The following IKBKE variants were observed in gnomAD, a reference collection of about 807,000 sequenced individuals.
IKBKE encodes the protein inhibitor of nuclear factor kappa B kinase subunit epsilon.
In IKBKE, 45 loss-of-function variants were observed where a neutral mutation model predicts 92.1. The ratio of observed to expected loss-of-function variants is 0.49; its 90% CI spans 0.38 to 0.63. The LOEUF (loss-of-function observed/expected upper bound fraction) is 0.63, where lower values mean the gene tolerates loss of function less well. IKBKE is among the 20% of genes least tolerant of loss of function. The probability of loss-of-function intolerance (pLI) is 0.00; values close to 1 mark genes in which losing one functional copy is unlikely to be tolerated. For synonymous variants in IKBKE, 374 were observed against 380.3 expected (o/e 0.98, Z 0.19); for missense variants, 700 against 932.8 (o/e 0.75, Z 3.25).
At position 206,472,467 on chromosome 1, in the gene IKBKE, G is replaced by C. The variant is rs373236992; in HGVS notation, c.-32-729G>C. Among the ~76,000 whole-genome samples the C allele has an allele frequency of 3.2e-4, 49 of 152,084 alleles. No homozygotes were observed. In the East Asian group the frequency reaches 9.1e-3, roughly 28 times the overall value. On this transcript the variant is annotated intron_variant, in intron 2 of 21. Coordinates refer to ENST00000581977, the MANE Select transcript of IKBKE (RefSeq NM_014002.4). ...GACAAAGATGGGAAACAGAGTTGTA[G>C]GGGGTTTCAGATTCTCCCAATGGCT...
chr1:206,484,067 G>A (rs1035320020), intron 13 of IKBKE, among the ~76,000 whole-genome samples: 2 of 150,646 alleles, frequency 1.3e-5, no homozygotes, highest in African/African-American at 2.4e-5. Flanking sequence ...TGGTATTACC[G>A]GTGTGAGCCA....
intron 1 of IKBKE, 92 bp downstream of exon 1, chr1:206,470,790 G>A (rs1055170786): frequency 6.6e-6 from 1 of 152,276 alleles, no homozygotes; most frequent in Admixed American, 6.5e-5. Flanking sequence ...GCAGGGGTGT[G>A]GGCTTGTTGG....
In IKBKE at chr1:206,476,203, G is replaced by A. The variant is rs2103454150; in HGVS notation, c.381G>A (p.Arg127=). 6.2e-7 allele frequency: 1 copy of A among 1,614,142 alleles called. No individual in the cohort carries two copies. The highest frequency in any genetic ancestry group is 8.5e-7 in the Non-Finnish European group (1 of 1,180,026). Residue 127 remains arginine, a synonymous_variant, in exon 6 of 22, where the codon CGG becomes CGA. Coordinates refer to ENST00000581977, the MANE Select transcript of IKBKE (RefSeq NM_014002.4). This position sits in a 1 kb window ranked among gnomAD's most constrained non-coding sequence, Gnocchi z 5.1. ...RCVVAGMNHL[R]ENGIVHRDIK... ...CAGTGGCCGGCATGAACCACCTGCG[G>A]GAGAACGGCATTGTGCATCGCGACA...
In IKBKE at chr1:206,473,692, G is replaced by A. The variant is rs41295994; in HGVS notation, c.87+378G>A. On this transcript the variant is annotated intron_variant, in intron 3 of 21. Transcript: ENST00000581977. The stretch of plus-strand genomic sequence containing the variant: ...TCAAGAGTGGTAGCCGGCCGGGCAC[G>A]GTGGCTTATGCCTGTAATCCCAGCA... Among the ~76,000 whole-genome samples the A allele has an allele frequency of 5.3e-3, 813 of 152,210 alleles. 2 individuals carry two copies. Among genetic ancestry groups the A allele is most frequent in the Non-Finnish European group, 7.9e-3 (537 of 68,016 alleles).
At chr1:206,492,355 C>A in intron 18 of IKBKE, 1 of 428,156 alleles carries the variant, frequency 2.3e-6, no homozygotes. Context: ...GACAATTTCC[C>A]ACGTGCTACC....
Position 206,490,521 on chromosome 1 carries a change from C to T in IKBKE, c.1694-298C>T, listed in dbSNP as rs1412981310. Among the ~76,000 whole-genome samples, 1 of 152,194 alleles carries T rather than the reference C, an allele frequency of 6.6e-6. No homozygotes were observed. Among genetic ancestry groups the T allele is most frequent in the African/African-American group, 2.4e-5 (1 of 41,430 alleles). On this transcript the variant is annotated intron_variant, in intron 16 of 21. Coordinates refer to ENST00000581977, the MANE Select transcript of IKBKE (RefSeq NM_014002.4). This position sits in a 1 kb window ranked among gnomAD's most constrained non-coding sequence, Gnocchi z 5.2. ...AGCCTCCTTCTAAGCCCACTTCATCCACCAACTCCCACCTGAAGCATCCCC... is the reference window on the plus strand; with the variant it reads ...AGCCTCCTTCTAAGCCCACTTCATCTACCAACTCCCACCTGAAGCATCCCC...
intron 16 of IKBKE, among the ~76,000 whole-genome samples, chr1:206,489,528 C>A (rs1240125190): frequency 1.3e-5 from 2 of 151,576 alleles, no homozygotes; most frequent in Non-Finnish European, 2.9e-5. Context: ...CATAGCAAGA[C>A]CCCGTCTCTA....
intron 13 of IKBKE, among the ~76,000 whole-genome samples, chr1:206,481,473 G>A (rs531589720): frequency 6.6e-5 from 10 of 152,348 alleles, no homozygotes; most frequent in Non-Finnish European, 1.3e-4. Flanking sequence ...AGGAAGAGGA[G>A]CATCTCCAGA....
intron 16 of IKBKE, among the ~76,000 whole-genome samples, chr1:206,489,809 G>A (rs1553389825): frequency 6.6e-6 from 1 of 152,150 alleles, no homozygotes; most frequent in Non-Finnish European, 1.5e-5. Flanking sequence ...AAGTAATCTA[G>A]GTCCAGCTGC....
intron 7 of IKBKE, among the ~76,000 whole-genome samples, chr1:206,477,528 C>T (rs1049131434): frequency 1.3e-5 from 2 of 151,836 alleles, no homozygotes; most frequent in African/African-American, 4.8e-5. Context: ...AGGCAGTGGA[C>T]AGGGCAAAGG....
At position 206,473,137 on chromosome 1, in the gene IKBKE, C is replaced by T. The variant is rs998854174; in HGVS notation, c.-32-59C>T. The T allele has an allele frequency of 2.9e-5, 30 of 1,031,172 alleles. 1 individual carries two copies. In the African/African-American group the frequency reaches 3.5e-4, roughly 12 times the overall value. 63.9% of individuals were successfully genotyped at this position (1,031,172 alleles called of 1,614,324 possible). A position where few individuals can be genotyped will look rare whatever the true frequency, so the allele number is the denominator to read the frequency against. ...TGGGGCACAGTTACAGGTCAGGCCA[C>T]CAGCGGCCACCCTGTGCCAGGAATG... On this transcript the variant is annotated intron_variant, in intron 2 of 21. Coordinates refer to ENST00000581977, the MANE Select transcript of IKBKE (RefSeq NM_014002.4).
At chr1:206,480,661 A>C in intron 13 of IKBKE, 128 bp downstream of exon 13, 2 of 720,230 alleles carry the variant, frequency 2.8e-6, no homozygotes, top group South Asian at 1.6e-5. Context: ...CCCTCCTAGA[A>C]TAGAGGGCAC....
intron 5 of IKBKE, among the ~76,000 whole-genome samples, chr1:206,475,606 G>T (rs1475651776): frequency 1.3e-5 from 2 of 152,040 alleles, no homozygotes; most frequent in Non-Finnish European, 2.9e-5. Flanking sequence ...GTGTGGTGGT[G>T]CATGCCTGTA....
intron 20 of IKBKE, 102 bp from the exon 21 acceptor site, chr1:206,493,818 C>A: frequency 1.2e-6 from 1 of 813,016 alleles, no homozygotes; most frequent in Non-Finnish European, 2.0e-6. Flanking sequence ...AATAAAGAGG[C>A]TTCTTTGGTG....
intron 11 of IKBKE, 31 bp downstream of exon 11, chr1:206,479,965 G>T: frequency 6.2e-7 from 1 of 1,613,450 alleles, no homozygotes; most frequent in Non-Finnish European, 8.5e-7. Flanking sequence ...GGCAGGGAGG[G>T]GCATGACCCA....
At chr1:206,472,093 T>A (rs1261624528) in intron 2 of IKBKE, among the ~76,000 whole-genome samples, 1 of 152,012 alleles carries the variant, frequency 6.6e-6, no homozygotes, top group African/African-American at 2.4e-5. Context: ...CTACTAAAAA[T>A]ACAAAAGACA....
At chr1:206,479,729 C>A (rs889462932) in intron 10 of IKBKE, 141 bp from the exon 11 acceptor site, 1 of 895,776 alleles carries the variant, frequency 1.1e-6, no homozygotes, top group East Asian at 2.6e-5. Flanking sequence ...CTAAGGCTGG[C>A]AAGGTGGGAG....
chr1:206,472,850 C>T, intron 2 of IKBKE: 1 of 281,684 alleles, frequency 3.6e-6, no homozygotes, highest in South Asian at 3.3e-5. Flanking sequence ...ACCCCAGAAT[C>T]TTCAGTGCTG....
intron 13 of IKBKE, 59 bp downstream of exon 13, chr1:206,480,592 C>A (rs1665329311): frequency 2.4e-6 from 3 of 1,233,132 alleles, no homozygotes; most frequent in East Asian, 2.5e-5. Context: ...TGCTCCTCAC[C>A]CTAGATACTT....
Sources: allele counts gnomAD v4.1 joint callset (sites outside exome capture counted in the v4.1 genomes callset), GRCh38; gene constraint gnomAD v4.1.1; non-coding constraint Gnocchi (gnomAD v3.1); transcripts MANE v1.5; gene names NCBI Gene and HGNC (gene_info 2026-07-23, HGNC 2026-07-21).